STARD13: variants seen among roughly 807,000 people sequenced by gnomAD.
STARD13 encodes the protein stAR-related lipid transfer protein 13.
In STARD13, 62 loss-of-function variants were observed where a neutral mutation model predicts 106.4. The observed-to-expected ratio is 0.58, with a 90% confidence interval of 0.48 to 0.72. STARD13 has a LOEUF of 0.72. STARD13 is among the 30% of genes least tolerant of loss of function. The pLI is 0.00. For missense variants in STARD13, 1,387 were observed against 1,424.0 expected, an observed-to-expected ratio of 0.97 and a Z score of 0.42; for synonymous variants, 565 against 553.0, an observed-to-expected ratio of 1.02 and a Z score of -0.31.
the STARD13 span, among the ~76,000 whole-genome samples, chr13:33,674,380 A>G: frequency 1.3e-5 from 2 of 152,262 alleles, no homozygotes; most frequent in East Asian, 1.9e-4. Flanking sequence ...AATGAAAAGT[A>G]AAACTAAGAA....
the STARD13 span, among the ~76,000 whole-genome samples, chr13:33,644,963 T>G: frequency 2.6e-5 from 4 of 152,218 alleles, no homozygotes; most frequent in Admixed American, 1.3e-4. Context: ...GGAAATTTTC[T>G]TTCTGGGCAG....
At chr13:33,347,136 T>C (rs76572895), downstream of STARD13, among the ~76,000 whole-genome samples, 1 of 152,266 alleles carries the variant, frequency 6.6e-6, no homozygotes, top group Non-Finnish European at 1.5e-5. Flanking sequence ...GGCGTATTCA[T>C]ATACAGTTAT....
intron 1 of STARD13, among the ~76,000 whole-genome samples, chr13:33,186,539 C>T (rs1034190141): frequency 3.3e-5 from 5 of 152,136 alleles, no homozygotes; most frequent in Non-Finnish European, 2.9e-5. Context: ...AAGAGACTTC[C>T]TTCCTTTTCC....
chr13:33,609,655 C>A, the STARD13 span, among the ~76,000 whole-genome samples: 1 of 151,746 alleles, frequency 6.6e-6, no homozygotes, highest in Non-Finnish European at 1.5e-5. Context: ...CAAGCTCCAC[C>A]TCCCGGGTTC....
the STARD13 span, among the ~76,000 whole-genome samples, chr13:33,523,829 T>C: frequency 5.3e-5 from 8 of 152,132 alleles, no homozygotes; most frequent in Admixed American, 2.0e-4. Flanking sequence ...CCCACTCTTA[T>C]GCCTCTTTTC....
chr13:33,418,484 C>T, the STARD13 span, among the ~76,000 whole-genome samples: 1 of 152,242 alleles, frequency 6.6e-6, no homozygotes, highest in Admixed American at 6.5e-5. Flanking sequence ...GGCCTACAAC[C>T]TCTATGGACT....
At chr13:33,497,580 T>C in the STARD13 span, among the ~76,000 whole-genome samples, 1 of 152,192 alleles carries the variant, frequency 6.6e-6, no homozygotes, top group Non-Finnish European at 1.5e-5. Context: ...CTTATTTCTC[T>C]CTCCTCTTCA....
chr13:33,343,931 G>T (rs2077991320), downstream of STARD13, among the ~76,000 whole-genome samples: 1 of 151,964 alleles, frequency 6.6e-6, no homozygotes, highest in Admixed American at 6.6e-5. Context: ...TTATTCTCCA[G>T]GCACGACTGA....
chr13:33,136,684 G>A (rs1365972096), intron 4 of STARD13, among the ~76,000 whole-genome samples: 1 of 152,112 alleles, frequency 6.6e-6, no homozygotes, highest in Non-Finnish European at 1.5e-5. Context: ...GCCACACTAG[G>A]GGAGAAAACC....
chr13:33,576,084 G>A, the STARD13 span, among the ~76,000 whole-genome samples: 2 of 152,176 alleles, frequency 1.3e-5, no homozygotes, highest in Non-Finnish European at 2.9e-5. Flanking sequence ...TTTATAGGGA[G>A]CAATATTACT....
intron 3 of STARD13, among the ~76,000 whole-genome samples, chr13:33,159,602 G>A (rs1882387621): frequency 6.6e-6 from 1 of 152,084 alleles, no homozygotes. Context: ...TAACATTTTA[G>A]ACTTAAAATC....
In STARD13 at chr13:33,174,693, A is replaced by G. The variant is rs139885973; in HGVS notation, c.170-7071T>C. Among the ~76,000 whole-genome samples, 347 of 152,344 alleles carry G rather than the reference A, an allele frequency of 2.3e-3. 1 individual carries two copies. Among genetic ancestry groups the G allele is most frequent in the South Asian group, 8.9e-3 (43 of 4,828 alleles). ...GAGGGGCAATTTGTTCAAGTGGCAT[A>G]ATCTAGCGTAAGCTAATGTAACACA... is the stretch of plus-strand genomic sequence containing the variant. On this transcript the variant is annotated intron_variant, in intron 1 of 13. Transcript: ENST00000336934.
At position 33,108,967 on chromosome 13, in the gene STARD13, C is replaced by T. The variant is rs189811150; in HGVS notation, c.3047+906G>A. On this transcript the variant is annotated intron_variant, in intron 12 of 13. Transcript: ENST00000336934. ...AATACATATATTTAGGGAAAATTGA[C>T]CTTTAAAAGTCAAGGTTCCATGGGC... 4.0e-3 allele frequency among the ~76,000 whole-genome samples: 614 copies of T among 152,242 alleles called. 9 individuals are homozygous for T. Among genetic ancestry groups the T allele is most frequent in the African/African-American group, 0.014 (577 of 41,544 alleles).
rs1566122175 is a variant in STARD13, at chr13:33,292,426, A to AT, written c.124+57863_124+57864insA. Among the ~76,000 whole-genome samples the AT allele has an allele frequency of 1.3e-3, 193 of 146,400 alleles. 1 individual carries two copies. Among genetic ancestry groups the AT allele is most frequent in the African/African-American group, 5.0e-3 (185 of 37,024 alleles). ...GGCAACATGGCAAAAACCCATCTCTACAAAAAAAAAAAAAAATTACAAAAC... is the reference window on the plus strand; with the variant it reads ...GGCAACATGGCAAAAACCCATCTCTATCAAAAAAAAAAAAAAATTACAAAAC... On this transcript the variant is annotated intron_variant, in intron 1 of 5. Coordinates refer to the STARD13 transcript ENST00000567873.
chr13:33,583,348 G>A, the STARD13 span, among the ~76,000 whole-genome samples: 39 of 152,268 alleles, frequency 2.6e-4, no homozygotes, highest in Admixed American at 2.6e-4. Context: ...TGCCAAGCAA[G>A]GATGATTATC....
the STARD13 span, among the ~76,000 whole-genome samples, chr13:33,490,230 C>T: frequency 6.6e-6 from 1 of 152,188 alleles, no homozygotes; most frequent in East Asian, 1.9e-4. Flanking sequence ...TTGAAGGATG[C>T]TAGTAGGTAT....
At chr13:33,494,645 G>C in the STARD13 span, among the ~76,000 whole-genome samples, 5 of 152,114 alleles carry the variant, frequency 3.3e-5, no homozygotes, top group African/African-American at 1.2e-4. Context: ...GTGGTCAACA[G>C]GATTGACTGT....
chr13:33,297,411 T>G (rs1892537695), intron 1 of STARD13, among the ~76,000 whole-genome samples: 4 of 152,200 alleles, frequency 2.6e-5, no homozygotes, highest in Admixed American at 2.6e-4. Flanking sequence ...TTCAATGACC[T>G]TAAAACCCTC....
the STARD13 span, among the ~76,000 whole-genome samples, chr13:33,662,139 A>G: frequency 3.3e-5 from 5 of 151,818 alleles, no homozygotes; most frequent in Non-Finnish European, 7.4e-5. Context: ...GTGGGCGCCT[A>G]TAATCCCAGC....
Sources: allele counts gnomAD v4.1 joint callset (sites outside exome capture counted in the v4.1 genomes callset), GRCh38; gene constraint gnomAD v4.1.1; transcripts MANE v1.5; gene names NCBI Gene and HGNC (gene_info 2026-07-23, HGNC 2026-07-21).